Variants in UBE3C observed in about 807,000 individuals in gnomAD.
UBE3C encodes ubiquitin-protein ligase E3C.
In UBE3C, 42 loss-of-function variants were observed where a neutral mutation model predicts 129.4. That is an observed-to-expected ratio of 0.32 (90% CI 0.25 to 0.42). The LOEUF is 0.42. Among genes scored for constraint, UBE3C ranks in the 10% least tolerant of loss-of-function variants. UBE3C has a pLI of 1.00. For synonymous variants in UBE3C, 510 were observed against 492.4 expected, an observed-to-expected ratio of 1.04 and a Z score of -0.47; for missense variants, 1,049 against 1,319.1, an observed-to-expected ratio of 0.80 and a Z score of 3.17.
chr7:157,207,325 A>AACGGTAGCATATT (rs1809459874), intron 11 of UBE3C, 73 bp from the exon 12 acceptor site: 2 of 1,547,272 alleles, frequency 1.3e-6, no homozygotes, highest in African/African-American at 2.8e-5. Context: ...GTTTGATGTT[A>AACGGTAGCATATT]TGTTTTAATT....
chr7:157,262,099 C>G (rs1796931092), intron 22 of UBE3C, among the ~76,000 whole-genome samples: 2 of 152,164 alleles, frequency 1.3e-5, no homozygotes, highest in African/African-American at 4.8e-5. Flanking sequence ...ATTCAGAGAT[C>G]CTTTTCTGTT....
intron 14 of UBE3C, 68 bp downstream of exon 14, chr7:157,217,039 G>A: frequency 8.0e-7 from 1 of 1,249,872 alleles, no homozygotes; most frequent in Non-Finnish European, 1.1e-6. Flanking sequence ...TTTCTGGAGA[G>A]AAGAATTAAG....
At chr7:157,247,595 G>T (rs1226776569) in intron 18 of UBE3C, among the ~76,000 whole-genome samples, 1 of 152,200 alleles carries the variant, frequency 6.6e-6, no homozygotes, top group Non-Finnish European at 1.5e-5. Context: ...GGGAGGCTGA[G>T]GCAGGAGAAT....
At chr7:157,192,980 T>A in intron 10 of UBE3C, 1 of 591,150 alleles carries the variant, frequency 1.7e-6, no homozygotes, top group Non-Finnish European at 3.0e-6. Context: ...AATCTGTAAA[T>A]CTTTTAATTA....
chr7:157,182,258 A>T lies in UBE3C; in HGVS notation c.921A>T (p.Arg307Ser), dbSNP rs745923265. ...FLNALLLIES[R>S]CSRKSGGAPW... ...ATGCACTGTTGTTAATAGAGAGTAG[A>T]TGTTCAAGAAAGAGTGGTGGAGCAC... is the stretch of plus-strand genomic sequence containing the variant. Residue 307 changes from arginine (R) to serine (S), a missense_variant, in exon 8 of 23, where the codon AGA becomes AGT. By Grantham distance (110) the Arg-to-Ser change is moderately radical. Coordinates refer to ENST00000348165, the MANE Select transcript of UBE3C (RefSeq NM_014671.3). 6.2e-6 allele frequency: 10 copies of T among 1,614,230 alleles called. No homozygotes were observed. In the East Asian group the frequency reaches 2.2e-4, roughly 36 times the overall value.
chr7:157,220,848 G>A (rs2116611981), intron 15 of UBE3C, 72 bp downstream of exon 15: 1 of 1,513,520 alleles, frequency 6.6e-7, no homozygotes, highest in East Asian at 2.3e-5. Context: ...TTAATCTACA[G>A]ATCTGTTATT....
intron 22 of UBE3C, among the ~76,000 whole-genome samples, chr7:157,265,518 A>G (rs543592352): frequency 6.6e-6 from 1 of 152,366 alleles, no homozygotes; most frequent in South Asian, 2.1e-4. Context: ...ACAACTGTGA[A>G]AACCAGGTAC....
At chr7:157,141,410 T>G (rs529876986) in intron 1 of UBE3C, among the ~76,000 whole-genome samples, 2 of 152,292 alleles carry the variant, frequency 1.3e-5, no homozygotes, top group South Asian at 2.1e-4. Flanking sequence ...TCCAGTTGGT[T>G]GTTGTGGGAC....
In UBE3C at chr7:157,233,851, G is replaced by A. The variant is rs548638952; in HGVS notation, c.2481+2524G>A. On this transcript the variant is annotated intron_variant, in intron 18 of 22. Coordinates refer to ENST00000348165, the MANE Select transcript of UBE3C (RefSeq NM_014671.3). ...AAGGTTTCAGTGACTCCACATCGTT[G>A]TCAGCACTTACTTAGTGTTGTCTTT... 5.9e-5 allele frequency among the ~76,000 whole-genome samples: 9 copies of A among 152,310 alleles called. No homozygotes were observed. The South Asian group carries it at 1.7e-3, about 28-fold the overall frequency.
chr7:157,231,368 G>T (rs773792675), intron 18 of UBE3C, 41 bp downstream of exon 18: 57 of 1,599,720 alleles, frequency 3.6e-5, no homozygotes, highest in Non-Finnish European at 4.5e-5. Flanking sequence ...CGGACCAAAA[G>T]ATGTTGACAT....
At chr7:157,266,041 A>G (rs1336066937) in intron 22 of UBE3C, among the ~76,000 whole-genome samples, 3 of 152,136 alleles carry the variant, frequency 2.0e-5, no homozygotes, top group Non-Finnish European at 4.4e-5. Context: ...GGGGCCGGGC[A>G]CGGTGGCTCA....
chr7:157,259,440 A>G (rs1796840330), intron 22 of UBE3C, among the ~76,000 whole-genome samples: 1 of 152,252 alleles, frequency 6.6e-6, no homozygotes, highest in Non-Finnish European at 1.5e-5. Context: ...ATTTTCACAC[A>G]GTGTGTTTAT....
In UBE3C at chr7:157,187,013, C is replaced by T. The variant is rs1272445322; in HGVS notation, c.1323C>T (p.Pro441=). 6.2e-7 allele frequency: 1 copy of T among 1,601,444 alleles called. No individual in the cohort carries two copies. Among genetic ancestry groups the T allele is most frequent in the Non-Finnish European group, 8.5e-7 (1 of 1,173,748 alleles). The change falls in exon 10 of 23, where the codon CCC becomes CCT. Residue 441 remains proline (P), a synonymous_variant. Transcript: ENST00000348165. ...TGGTGCAGCACCGCATGATGGTACC[C>T]AAAGTCAGGCAAGTGTCCGTGGGCG... is the stretch of plus-strand genomic sequence containing the variant. ...TLMVQHRMMV[P]KVRLLYSLAF...
At chr7:157,228,042 G>A (rs1795926000) in intron 17 of UBE3C, among the ~76,000 whole-genome samples, 1 of 152,208 alleles carries the variant, frequency 6.6e-6, no homozygotes, top group Non-Finnish European at 1.5e-5. Flanking sequence ...TGAGAGAATG[G>A]TTTGAGGTGC....
intron 14 of UBE3C, 112 bp from the exon 15 acceptor site, chr7:157,220,577 A>G: frequency 8.3e-7 from 1 of 1,210,276 alleles, no homozygotes. Context: ...GGTCAGAGAG[A>G]GGGCCCAGCC....
chr7:157,149,390 G>A (rs904232223), intron 1 of UBE3C, among the ~76,000 whole-genome samples: 2 of 152,228 alleles, frequency 1.3e-5, no homozygotes, highest in African/African-American at 4.8e-5. Flanking sequence ...TAGAAACCAA[G>A]CGGAATGGAA....
intron 6 of UBE3C, among the ~76,000 whole-genome samples, chr7:157,179,982 A>AACTAAC (rs1210961254): frequency 6.6e-6 from 1 of 152,222 alleles, no homozygotes; most frequent in Non-Finnish European, 1.5e-5. Flanking sequence ...TAGTTGACAT[A>AACTAAC]TATACTGTTT....
intron 18 of UBE3C, among the ~76,000 whole-genome samples, chr7:157,243,610 A>C (rs530079241): frequency 2.6e-5 from 4 of 152,258 alleles, no homozygotes. Context: ...CTGTTCCTGC[A>C]TGTGAGGCGC....
In UBE3C at chr7:157,182,247, A is replaced by G. The variant is rs1426650299; in HGVS notation, c.910A>G (p.Ile304Val). The change falls in exon 8 of 23, where the codon ATA becomes GTA. Residue 304 changes from isoleucine to valine, a missense_variant. By Grantham distance (29) the Ile-to-Val change is conservative. Coordinates refer to ENST00000348165, the MANE Select transcript of UBE3C (RefSeq NM_014671.3). ...YEPFLNALLL[I>V]ESRCSRKSGG... is the part of the protein sequence containing the mutation. ...GCCCTTTCTGAATGCACTGTTGTTA[A>G]TAGAGAGTAGATGTTCAAGAAAGAG... 2.5e-6 allele frequency: 4 copies of G among 1,614,220 alleles called. No individual in the cohort carries two copies. The highest frequency in any genetic ancestry group is 3.4e-6 in the Non-Finnish European group (4 of 1,180,046).
Sources: gnomAD v4.1 joint callset for allele counts (sites outside exome capture counted in the v4.1 genomes callset) on GRCh38, gnomAD v4.1.1 for gene constraint, MANE v1.5 for transcripts, NCBI Gene and HGNC (gene_info 2026-07-23, HGNC 2026-07-21) for gene names.